Variants in DHX15 observed in about 807,000 individuals in gnomAD.
The protein encoded by DHX15 is DEAH-box helicase 15.
Under a neutral mutation model 94.4 loss-of-function variants are expected in DHX15, and 11 were observed. The ratio of observed to expected loss-of-function variants is 0.12; its 90% CI spans 0.07 to 0.19. The LOEUF is 0.19. DHX15 is among the 10% of genes least tolerant of loss of function. The probability of loss-of-function intolerance (pLI) is 1.00; values close to 1 mark genes in which losing one functional copy is unlikely to be tolerated. For missense variants in DHX15, 304 were observed against 988.5 expected (o/e 0.31, Z 9.29); for synonymous variants, 338 against 329.9 (o/e 1.02, Z -0.27).
At chr4:24,540,064 A>C in intron 10 of DHX15, 44 bp downstream of exon 10, 1 of 1,404,960 alleles carries the variant, frequency 7.1e-7, no homozygotes, top group Non-Finnish European at 9.4e-7. Flanking sequence ...GTCCACCCAA[A>C]CTTTGAAGAG....
chr4:24,582,508 A>G (rs900807835), intron 1 of DHX15, among the ~76,000 whole-genome samples: 2 of 152,246 alleles, frequency 1.3e-5, no homozygotes, highest in African/African-American at 2.4e-5. Flanking sequence ...TTTTGTTCCA[A>G]TCTGACCTCC....
chr4:24,537,544 T>C lies in DHX15; in HGVS notation c.1787-371A>G, dbSNP rs1278806294. 6.3e-6 allele frequency: 1 copy of C among 158,694 alleles called. No individual in the cohort carries two copies. The highest frequency in any genetic ancestry group is 2.4e-5 in the African/African-American group (1 of 41,618). 9.8% of individuals were successfully genotyped at this position (158,694 alleles called of 1,614,324 possible). ...CAATTGCCTTTTAGCTAACTGTAAT[T>C]TTTCAAAAGGGCATCCACTAAATCT... On this transcript the variant is annotated intron_variant, in intron 10 of 13. Transcript: ENST00000336812. The surrounding 1 kb of genome is among the most constrained non-coding windows in gnomAD (Gnocchi z 4.7).
chr4:24,557,866 G>C (rs187366141), intron 3 of DHX15, among the ~76,000 whole-genome samples: 19 of 151,832 alleles, frequency 1.3e-4, no homozygotes, highest in African/African-American at 4.6e-4. Flanking sequence ...TCACAGACAC[G>C]AGAGAGGCAA....
Position 24,533,122 on chromosome 4 carries a change from T to TA in DHX15, c.1910-69dup, listed in dbSNP as rs777606449. Reference sequence around the variant, plus strand: ...CACCCACACAGGAATGTTCTCTAATTAAAAAAATTGTTATAAAGAATAAGC... The same window carrying TA: ...CACCCACACAGGAATGTTCTCTAATTAAAAAAAATTGTTATAAAGAATAAGC... On this transcript the variant is annotated intron_variant, in intron 11 of 13. Coordinates refer to ENST00000336812, the MANE Select transcript of DHX15 (RefSeq NM_001358.3). 54 of 1,343,010 alleles carry TA rather than the reference T, an allele frequency of 4.0e-5. No individual in the cohort carries two copies. The East Asian group carries it at 4.6e-4, about 11-fold the overall frequency. The allele number at this position is 1,343,010 out of a possible 1,614,324, so 83.2% of individuals were successfully genotyped here.
At chr4:24,544,743 C>G (rs1045098256) in intron 6 of DHX15, among the ~76,000 whole-genome samples, 3 of 152,130 alleles carry the variant, frequency 2.0e-5, no homozygotes, top group African/African-American at 7.2e-5. Flanking sequence ...CCTTTTATAA[C>G]TTGCATATTA....
intron 1 of DHX15, among the ~76,000 whole-genome samples, chr4:24,577,806 C>A (rs1722308526): frequency 6.6e-6 from 1 of 152,140 alleles, no homozygotes; most frequent in African/African-American, 2.4e-5. Flanking sequence ...ATAATCTATG[C>A]TTGTTCATTT....
At chr4:24,562,704 T>C (rs1721909313) in intron 3 of DHX15, among the ~76,000 whole-genome samples, 1 of 152,222 alleles carries the variant, frequency 6.6e-6, no homozygotes, top group Admixed American at 6.5e-5. Context: ...CACATAATCC[T>C]GTCTCCATCA....
At position 24,547,944 on chromosome 4, in the gene DHX15, T is replaced by C. The variant is rs1238506798; in HGVS notation, c.1248+911A>G. On this transcript the variant is annotated intron_variant, in intron 6 of 13. Coordinates refer to ENST00000336812, the MANE Select transcript of DHX15 (RefSeq NM_001358.3). ...ATATATATATATATATATATATATC[T>C]ATATCTATATCTATATCTATCTGCT... 4.7e-3 allele frequency among the ~76,000 whole-genome samples: 138 copies of C among 29,436 alleles called. 2 individuals carry two copies. The highest frequency in any genetic ancestry group is 0.026 in the African/African-American group (121 of 4,724). 19.3% of individuals were successfully genotyped at this position (29,436 alleles called of 152,430 possible).
chr4:24,533,171 AC>A, intron 11 of DHX15, 117 bp from the exon 12 acceptor site: 1 of 895,020 alleles, frequency 1.1e-6, no homozygotes, highest in Non-Finnish European at 1.8e-6. Context: ...AAGGAGATTT[AC>A]CCACAACATT....
intron 1 of DHX15, 35 bp downstream of exon 1, chr4:24,584,288 C>A: frequency 6.3e-7 from 1 of 1,596,698 alleles, no homozygotes; most frequent in Non-Finnish European, 8.5e-7. Context: ...CCAACAAAGC[C>A]CGAGCTGCCG....
At chr4:24,529,532 T>C in intron 13 of DHX15, 69 bp downstream of exon 13, 9 of 1,395,458 alleles carry the variant, frequency 6.4e-6, no homozygotes, top group Middle Eastern at 3.6e-4. Flanking sequence ...GCCATGACTC[T>C]AGCAACAGTC....
At chr4:24,553,376 T>C (rs550916037) in intron 5 of DHX15, among the ~76,000 whole-genome samples, 1 of 151,830 alleles carries the variant, frequency 6.6e-6, no homozygotes, top group Non-Finnish European at 1.5e-5. Context: ...CTATGCACTT[T>C]GGAGGAAATG....
Position 24,531,337 on chromosome 4 carries a change from C to T in DHX15, c.2100+1527G>A, listed in dbSNP as rs537330065. Among the ~76,000 whole-genome samples the T allele has an allele frequency of 6.6e-5, 10 of 152,258 alleles. No individual in the cohort carries two copies. In the South Asian group the frequency reaches 1.9e-3, roughly 28 times the overall value. ...TCTCTTGACCTCGTGATCCACCCGCCTCGGCCTCCCAAAGTGCTGGGATTA... is the reference window on the plus strand; with the variant it reads ...TCTCTTGACCTCGTGATCCACCCGCTTCGGCCTCCCAAAGTGCTGGGATTA... On this transcript the variant is annotated intron_variant, in intron 12 of 13. Coordinates refer to ENST00000336812, the MANE Select transcript of DHX15 (RefSeq NM_001358.3).
chr4:24,573,083 G>T (rs957651019), intron 2 of DHX15, among the ~76,000 whole-genome samples: 22 of 151,732 alleles, frequency 1.4e-4, no homozygotes, highest in African/African-American at 5.1e-4. Flanking sequence ...GCTGATTTCT[G>T]TATTTTTAGT....
chr4:24,547,220 G>A (rs966779985), intron 6 of DHX15, among the ~76,000 whole-genome samples: 6 of 152,120 alleles, frequency 3.9e-5, no homozygotes, highest in African/African-American at 9.7e-5. Context: ...CTACAGTTTC[G>A]GCTGAAACAC....
At position 24,537,396 on chromosome 4, in the gene DHX15, T is replaced by A. The variant is rs1428639954; in HGVS notation, c.1787-223A>T. ...TCAAAGCTACAGAGTACCTGATTAT[T>A]TTAACTAGATCTAAAAGTAGGCATC... On this transcript the variant is annotated intron_variant, in intron 10 of 13. Transcript: ENST00000336812. This position sits in a 1 kb window ranked among gnomAD's most constrained non-coding sequence, Gnocchi z 4.7. 7.1e-6 allele frequency: 3 copies of A among 425,356 alleles called. No individual in the cohort carries two copies. Among genetic ancestry groups the A allele is most frequent in the Non-Finnish European group, 1.2e-5 (3 of 243,540 alleles). 26.3% of individuals were successfully genotyped at this position (425,356 alleles called of 1,614,324 possible).
At chr4:24,536,987 G>A in intron 11 of DHX15, 64 bp downstream of exon 11, 2 of 1,491,348 alleles carry the variant, frequency 1.3e-6, no homozygotes, top group Non-Finnish European at 9.0e-7. Context: ...GTGGGACAAA[G>A]AAACATCTTA....
At chr4:24,577,986 G>A (rs1051172333) in intron 1 of DHX15, among the ~76,000 whole-genome samples, 1 of 152,106 alleles carries the variant, frequency 6.6e-6, no homozygotes, top group Non-Finnish European at 1.5e-5. Flanking sequence ...TGTGCTCCAA[G>A]TGCAGTTGTG....
At chr4:24,550,611 G>A (rs886306232) in intron 5 of DHX15, among the ~76,000 whole-genome samples, 12 of 152,138 alleles carry the variant, frequency 7.9e-5, no homozygotes, top group African/African-American at 2.7e-4. Flanking sequence ...CCACCTTAAC[G>A]TATTAACCCA....
Sources: gnomAD v4.1 joint callset for allele counts (sites outside exome capture counted in the v4.1 genomes callset) on GRCh38, gnomAD v4.1.1 for gene constraint, Gnocchi (gnomAD v3.1) non-coding constraint, MANE v1.5 for transcripts, NCBI Gene and HGNC (gene_info 2026-07-23, HGNC 2026-07-21) for gene names.